The following PDE6A variants were observed in gnomAD, a reference collection of about 807,000 sequenced individuals.
PDE6A encodes the protein phosphodiesterase 6A.
In PDE6A, 84 loss-of-function variants were observed where a neutral mutation model predicts 106.3. The observed-to-expected ratio is 0.79, with a 90% CI of 0.66 to 0.95. The LOEUF (loss-of-function observed/expected upper bound fraction) is 0.95. Ranked by LOEUF, PDE6A falls within the 40% of genes least tolerant of loss-of-function variation. PDE6A has a pLI of 0.00. For synonymous variants in PDE6A, 394 were observed against 386.6 expected, an observed-to-expected ratio of 1.02 and a Z score of -0.23; for missense variants, 1,052 against 1,084.9, an observed-to-expected ratio of 0.97 and a Z score of 0.43.
Position 149,863,197 on chromosome 5 carries a change from T to C in PDE6A, c.2428A>G (p.Lys810Glu). The C allele has an allele frequency of 7.4e-6, 12 of 1,614,166 alleles. No homozygotes were observed. Among genetic ancestry groups the C allele is most frequent in the Non-Finnish European group, 9.3e-6 (11 of 1,180,000 alleles). ...DGITNNRKEW[K>E]ALADEYDAKM... ...GCATCGTACTCATCAGCAAGCGCCTTCCACTCCTTGCGATTGTTGGTGATC... is the reference window on the plus strand; with the variant it reads ...GCATCGTACTCATCAGCAAGCGCCTCCCACTCCTTGCGATTGTTGGTGATC... The change falls in exon 21 of 22, where the codon AAG becomes GAG. Residue 810 changes from lysine to glutamate, a missense_variant. This residue lies in a region of PDE6A where 135 missense variants were observed against 153.2 expected (regional missense o/e 0.88). Coordinates refer to ENST00000255266, the MANE Select transcript of PDE6A (RefSeq NM_000440.3). This position sits in a 1 kb window ranked among gnomAD's most constrained non-coding sequence, Gnocchi z 4.7.
chr5:149,921,561 A>G (rs1453487074), intron 5 of PDE6A, 74 bp downstream of exon 5: 5 of 1,211,998 alleles, frequency 4.1e-6, no homozygotes, highest in Non-Finnish European at 6.1e-6. Context: ...CTAATAAAAA[A>G]TCCTTTAACA....
chr5:149,920,943 A>AAAG (rs1554091227), intron 5 of PDE6A, among the ~76,000 whole-genome samples: 16 of 5,314 alleles, frequency 3.0e-3, no homozygotes, highest in Non-Finnish European at 7.0e-3. Flanking sequence ...AAAGAGAGAA[A>AAAG]AAGAAAGAAA....
At position 149,863,520 on chromosome 5, in the gene PDE6A, C is replaced by G. The variant is rs891964574; in HGVS notation, c.2359-254G>C. On this transcript the variant is annotated intron_variant, in intron 20 of 21. Transcript: ENST00000255266. The surrounding 1 kb of genome is among the most constrained non-coding windows in gnomAD (Gnocchi z 4.7). ...TACTATGGCTTTCAAACTCCATGAC[C>G]CAGTGTCCTCCTGCCCTTGACCATC... Among the ~76,000 whole-genome samples the G allele has an allele frequency of 3.9e-5, 6 of 152,222 alleles. No homozygotes were observed. The highest frequency in any genetic ancestry group is 3.9e-4 in the Admixed American group (6 of 15,282).
intron 9 of PDE6A, among the ~76,000 whole-genome samples, chr5:149,899,055 T>C (rs534325386): frequency 2.5e-4 from 38 of 152,186 alleles, no homozygotes; most frequent in African/African-American, 8.9e-4. Flanking sequence ...TTTGTAGAAA[T>C]AGGATATTGC....
intron 13 of PDE6A, among the ~76,000 whole-genome samples, chr5:149,892,135 C>A (rs1752567744): frequency 6.6e-6 from 1 of 151,686 alleles, no homozygotes. Flanking sequence ...ATAGTGAGAC[C>A]CCCCATCTCT....
At chr5:149,927,302 G>A (rs774367510) in intron 4 of PDE6A, among the ~76,000 whole-genome samples, 5 of 152,184 alleles carry the variant, frequency 3.3e-5, no homozygotes, top group Admixed American at 2.6e-4. Flanking sequence ...AGTGAGTGGT[G>A]AGTGAATGTG....
intron 6 of PDE6A, among the ~76,000 whole-genome samples, chr5:149,909,432 G>A (rs935260144): frequency 7.9e-5 from 12 of 152,196 alleles, no homozygotes; most frequent in African/African-American, 2.9e-4. Context: ...TTTGCTCTAC[G>A]AGACTCTTTT....
chr5:149,865,425 C>A lies in PDE6A; in HGVS notation c.2358+745G>T, dbSNP rs1001226065. ...ACCTGTCTCAAAGAAAAAAAAAAAA[C>A]CAGCAAAAAACTCATGTCCTCAATG... On this transcript the variant is annotated intron_variant, in intron 20 of 21. Transcript: ENST00000255266. 3.9e-4 allele frequency among the ~76,000 whole-genome samples: 55 copies of A among 140,242 alleles called. 1 individual carries two copies. Among genetic ancestry groups the A allele is most frequent in the Admixed American group, 2.7e-3 (38 of 14,140 alleles). 92.0% of individuals were successfully genotyped at this position (140,242 alleles called of 152,430 possible).
chr5:149,899,310 A>T, intron 9 of PDE6A, 65 bp downstream of exon 9: 1 of 1,563,492 alleles, frequency 6.4e-7, no homozygotes, highest in Non-Finnish European at 8.8e-7. Context: ...GCGCAGTGAC[A>T]CCCAGCCTCC....
At chr5:149,889,680 C>T (rs915319051) in intron 13 of PDE6A, among the ~76,000 whole-genome samples, 11 of 151,888 alleles carry the variant, frequency 7.2e-5, no homozygotes, top group Non-Finnish European at 1.0e-4. Flanking sequence ...CTGAGGCAAG[C>T]GGATAACTTG....
chr5:149,884,552 G>T lies in PDE6A; in HGVS notation c.1954C>A (p.Arg652Ser). 1.9e-6 allele frequency: 3 copies of T among 1,613,722 alleles called. No homozygotes were observed. Among genetic ancestry groups the T allele is most frequent in the Non-Finnish European group, 2.5e-6 (3 of 1,179,736 alleles). ...ESLNIFQNLNRRQHEHAIHMM... is the reference protein window; with the variant it reads ...ESLNIFQNLNSRQHEHAIHMM... ...TGGATGGCATGCTCATGCTGTCGACGATTGAGGTTTTGAAAGATATTCAGG... is the reference window on the plus strand; with the variant it reads ...TGGATGGCATGCTCATGCTGTCGACTATTGAGGTTTTGAAAGATATTCAGG... Residue 652 changes from arginine to serine, a missense_variant, in exon 16 of 22, where the codon CGT becomes AGT. This residue lies in a region of PDE6A where 913 missense variants were observed against 915.2 expected (regional missense o/e 1.00). Transcript: ENST00000255266.
Position 149,859,566 on chromosome 5 carries a change from C to T in PDE6A, c.*1329G>A, listed in dbSNP as rs1310010638. 1 of 152,314 alleles carries T rather than the reference C, an allele frequency of 6.6e-6. No individual in the cohort carries two copies. Among genetic ancestry groups the T allele is most frequent in the Non-Finnish European group, 1.5e-5 (1 of 68,112 alleles). 9.4% of individuals were successfully genotyped at this position (152,314 alleles called of 1,614,324 possible). On this transcript the variant is annotated 3_prime_UTR_variant, in exon 22 of 22. Coordinates refer to ENST00000255266, the MANE Select transcript of PDE6A (RefSeq NM_000440.3). ...GTGGACCCCACGAGGAGTCGTGGAG[C>T]TGGAACAGCCCTGCACAGTTATCCC...
chr5:149,887,884 G>A (rs577098085), intron 13 of PDE6A, among the ~76,000 whole-genome samples: 4 of 152,290 alleles, frequency 2.6e-5, no homozygotes, highest in African/African-American at 9.6e-5. Context: ...AAGCAGCGGT[G>A]GGCTCTGGCA....
At chr5:149,891,315 CA>C (rs1286234680) in intron 13 of PDE6A, among the ~76,000 whole-genome samples, 1 of 151,964 alleles carries the variant, frequency 6.6e-6, no homozygotes, top group Non-Finnish European at 1.5e-5. Context: ...ACAAAAAATA[CA>C]AAAATTAGCC....
intron 17 of PDE6A, among the ~76,000 whole-genome samples, chr5:149,882,118 C>T (rs113223828): frequency 0.036 from 5,483 of 151,782 alleles, 132 homozygotes; most frequent in Admixed American, 0.055. Context: ...CAGCTCCTGG[C>T]CAGTCTATGA....
intron 5 of PDE6A, among the ~76,000 whole-genome samples, chr5:149,916,249 C>T (rs1391841945): frequency 6.6e-6 from 1 of 152,196 alleles, no homozygotes. Flanking sequence ...TGCCCCAAAA[C>T]ATTAAATATA....
chr5:149,870,725 C>G (rs567650009), intron 17 of PDE6A, among the ~76,000 whole-genome samples: 16 of 143,148 alleles, frequency 1.1e-4, no homozygotes, highest in South Asian at 8.9e-4. Context: ...CACAGGGGAT[C>G]CAGAGGGGCC....
chr5:149,897,729 C>T (rs943915944), intron 10 of PDE6A, among the ~76,000 whole-genome samples: 21 of 152,114 alleles, frequency 1.4e-4, no homozygotes, highest in Non-Finnish European at 2.6e-4. Context: ...TACAGGCACA[C>T]GCCACCATGC....
chr5:149,931,729 C>A (rs902193870), intron 3 of PDE6A, among the ~76,000 whole-genome samples: 1 of 152,282 alleles, frequency 6.6e-6, no homozygotes, highest in African/African-American at 2.4e-5. Context: ...AGACATTTTT[C>A]TAAATCAATT....
Sources: allele counts gnomAD v4.1 joint callset (sites outside exome capture counted in the v4.1 genomes callset), GRCh38; gene constraint gnomAD v4.1.1; regional missense constraint gnomAD v4.1.1; non-coding constraint Gnocchi (gnomAD v3.1); transcripts MANE v1.5; gene names NCBI Gene and HGNC (gene_info 2026-07-23, HGNC 2026-07-21).